The following RSRC1 variants were observed in gnomAD, a reference collection of about 807,000 sequenced individuals.
RSRC1 encodes serine/Arginine-related protein 53.
In RSRC1, 39 loss-of-function variants were observed where a neutral mutation model predicts 49.1. The observed-to-expected ratio is 0.79, with a 90% CI of 0.61 to 1.04. RSRC1 has a LOEUF of 1.04. Among genes scored for constraint, RSRC1 ranks in the 50% least tolerant of loss-of-function variants. The pLI is 0.00. For missense variants in RSRC1, 388 were observed against 402.4 expected (o/e 0.96, Z 0.31); for synonymous variants, 143 against 130.8 (o/e 1.09, Z -0.63).
intron 6 of RSRC1, among the ~76,000 whole-genome samples, chr3:158,435,489 A>G (rs1578474505): frequency 6.6e-6 from 1 of 151,638 alleles, no homozygotes; most frequent in Non-Finnish European, 1.5e-5. Flanking sequence ...GGCTGTAACT[A>G]TAGTTCTGAA....
At chr3:158,200,100 C>T (rs1720946142) in intron 3 of RSRC1, among the ~76,000 whole-genome samples, 1 of 152,056 alleles carries the variant, frequency 6.6e-6, no homozygotes, top group Non-Finnish European at 1.5e-5. Context: ...TGCAGTGGCG[C>T]TATCTTGGCT....
chr3:158,234,732 C>A (rs1723147550), intron 4 of RSRC1, among the ~76,000 whole-genome samples: 1 of 152,046 alleles, frequency 6.6e-6, no homozygotes. Flanking sequence ...TGTATATATT[C>A]TTCGAACTGA....
chr3:158,289,661 C>T (rs958082732), intron 4 of RSRC1, among the ~76,000 whole-genome samples: 8 of 152,016 alleles, frequency 5.3e-5, no homozygotes, highest in East Asian at 3.8e-4. Flanking sequence ...GCAAGGTGTT[C>T]GCCAATCAAG....
rs567443920 is a variant in RSRC1, at chr3:158,115,591, A to T, written c.-3+5368A>T. Reference sequence around the variant, plus strand: ...ATTCATTTAATAACAATAAACCCAAAATATGGTAACATAAATAGTATCTTT... The same window carrying T: ...ATTCATTTAATAACAATAAACCCAATATATGGTAACATAAATAGTATCTTT... On this transcript the variant is annotated intron_variant, in intron 1 of 9. Coordinates refer to ENST00000611884, the MANE Select transcript of RSRC1 (RefSeq NM_001271838.2). Among the ~76,000 whole-genome samples the T allele has an allele frequency of 2.6e-5, 4 of 152,306 alleles. No homozygotes were observed. The South Asian group carries it at 8.3e-4, about 32-fold the overall frequency.
Position 158,477,798 on chromosome 3 carries a change from T to TTTTATATATATATATATATATATATATA in RSRC1, c.652+16796_652+16797insTTATATATATATATATATATATATATAT, listed in dbSNP as rs1485762587. ...TGATGGGATAGGTTGCGGGAGGGAT[T>TTTTATATATATATATATATATATATATA]TATATATATATATATATATATATAT... On this transcript the variant is annotated intron_variant, in intron 7 of 9. Transcript: ENST00000611884. Among the ~76,000 whole-genome samples the TTTTATATATATATATATATATATATATA allele has an allele frequency of 5.1e-3, 457 of 89,628 alleles. 43 individuals carry two copies. The highest frequency in any genetic ancestry group is 9.6e-3 in the South Asian group (23 of 2,398). The allele number at this position is 89,628 out of a possible 152,430, so 58.8% of individuals were successfully genotyped here. A position where few individuals can be genotyped will look rare whatever the true frequency, so the allele number is the denominator to read the frequency against.
chr3:158,440,600 G>T (rs1324516641), intron 6 of RSRC1, among the ~76,000 whole-genome samples: 1 of 152,000 alleles, frequency 6.6e-6, no homozygotes, highest in Non-Finnish European at 1.5e-5. Flanking sequence ...ACATGCACGT[G>T]TGCACACACA....
intron 6 of RSRC1, among the ~76,000 whole-genome samples, chr3:158,360,995 G>A (rs1731438382): frequency 6.6e-6 from 1 of 152,218 alleles, no homozygotes; most frequent in Non-Finnish European, 1.5e-5. Context: ...ACCAGGGCAG[G>A]AGAGATGTCT....
intron 4 of RSRC1, among the ~76,000 whole-genome samples, chr3:158,264,210 C>A (rs1725046620): frequency 6.6e-6 from 1 of 152,048 alleles, no homozygotes; most frequent in Non-Finnish European, 1.5e-5. Context: ...CCCACAAATT[C>A]TGATATTATG....
At position 158,147,102 on chromosome 3, in the gene RSRC1, CTTTTTTTTTTTTT is replaced by C. The variant is rs35460810; in HGVS notation, c.320+23126_320+23138del. On this transcript the variant is annotated intron_variant, in intron 3 of 9. Transcript: ENST00000611884. ...CCTTTTCTTTCTTCTGCTTTTCTGC[CTTTTTTTTTTTTT>C]TTTTTTTTTTTTTTGCTGATGTATT... Among the ~76,000 whole-genome samples, 20 of 34,738 alleles carry C rather than the reference CTTTTTTTTTTTTT, an allele frequency of 5.8e-4. 1 individual carries two copies. In the South Asian group the frequency reaches 7.9e-3, roughly 14 times the overall value. 22.8% of individuals were successfully genotyped at this position (34,738 alleles called of 152,430 possible).
chr3:158,321,344 T>C (rs1376217355), intron 5 of RSRC1, among the ~76,000 whole-genome samples: 1 of 151,938 alleles, frequency 6.6e-6, no homozygotes, highest in Non-Finnish European at 1.5e-5. Flanking sequence ...GAATCTCTTC[T>C]CTCTCTTATC....
At chr3:158,275,470 A>G (rs767418386) in intron 4 of RSRC1, among the ~76,000 whole-genome samples, 14 of 152,324 alleles carry the variant, frequency 9.2e-5, no homozygotes, top group Non-Finnish European at 1.8e-4. Context: ...ATCCCAGTAA[A>G]GCTGCAGGTT....
rs562700989 is a variant in RSRC1, at chr3:158,464,215, A to C, written c.652+3212A>C. 5.3e-5 allele frequency among the ~76,000 whole-genome samples: 8 copies of C among 152,258 alleles called. No homozygotes were observed. The East Asian group carries it at 1.5e-3, about 29-fold the overall frequency. ...TAACTTCTATTTCTCTCTATTATTG[A>C]ATGCATTAGCATAACTGCTTAGATT... On this transcript the variant is annotated intron_variant, in intron 7 of 9. Coordinates refer to ENST00000611884, the MANE Select transcript of RSRC1 (RefSeq NM_001271838.2).
At chr3:158,388,813 G>A (rs949129110) in intron 6 of RSRC1, among the ~76,000 whole-genome samples, 1 of 152,068 alleles carries the variant, frequency 6.6e-6, no homozygotes, top group African/African-American at 2.4e-5. Context: ...GTTTCACCGT[G>A]TTGGCCAGGA....
intron 4 of RSRC1, among the ~76,000 whole-genome samples, chr3:158,243,228 T>C (rs1030873394): frequency 6.6e-6 from 1 of 152,144 alleles, no homozygotes; most frequent in Non-Finnish European, 1.5e-5. Flanking sequence ...TTTTTGTATA[T>C]GGTGTAAAGA....
intron 3 of RSRC1, among the ~76,000 whole-genome samples, chr3:158,164,496 A>C (rs181652440): frequency 6.6e-6 from 1 of 152,110 alleles, no homozygotes; most frequent in Non-Finnish European, 1.5e-5. Context: ...TTACAAAAAG[A>C]ATGATTTTAT....
At chr3:158,153,749 C>G (rs1033965575) in intron 3 of RSRC1, among the ~76,000 whole-genome samples, 1 of 152,096 alleles carries the variant, frequency 6.6e-6, no homozygotes, top group Non-Finnish European at 1.5e-5. Context: ...CTGTGTCGAA[C>G]CTATACTGTA....
intron 1 of RSRC1, among the ~76,000 whole-genome samples, chr3:158,116,921 T>C (rs1338678634): frequency 2.0e-5 from 3 of 152,158 alleles, no homozygotes; most frequent in Non-Finnish European, 2.9e-5. Flanking sequence ...ATTTTGAATC[T>C]GGGTTGTCTG....
At chr3:158,538,733 A>G (rs1712867131) in intron 8 of RSRC1, among the ~76,000 whole-genome samples, 1 of 151,986 alleles carries the variant, frequency 6.6e-6, no homozygotes, top group Non-Finnish European at 1.5e-5. Flanking sequence ...AAGTGGTGCT[A>G]ACAGGAGAAT....
At chr3:158,319,664 C>T (rs1728651708) in intron 5 of RSRC1, among the ~76,000 whole-genome samples, 1 of 152,132 alleles carries the variant, frequency 6.6e-6, no homozygotes, top group African/African-American at 2.4e-5. Context: ...TTTCCCTCTA[C>T]AATTAGATCT....
Sources: gnomAD v4.1 joint callset for allele counts (sites outside exome capture counted in the v4.1 genomes callset) on GRCh38, gnomAD v4.1.1 for gene constraint, MANE v1.5 for transcripts, NCBI Gene and HGNC (gene_info 2026-07-23, HGNC 2026-07-21) for gene names.